Variants in TRMT11 observed in about 807,000 individuals in gnomAD.
TRMT11 encodes the protein tRNA (guanine(10)-N(2))-methyltransferase TRMT11.
In TRMT11, 53 loss-of-function variants were observed where a neutral mutation model predicts 62.8. That is an observed-to-expected ratio of 0.84 (90% CI 0.68 to 1.06). TRMT11 has a LOEUF of 1.06. Ranked by LOEUF, TRMT11 falls within the 50% of genes least tolerant of loss-of-function variation. The pLI is 0.00. For missense variants in TRMT11, 556 were observed against 553.4 expected, an observed-to-expected ratio of 1.00 and a Z score of -0.05; for synonymous variants, 188 against 190.3, an observed-to-expected ratio of 0.99 and a Z score of 0.10.
the TRMT11 span, among the ~76,000 whole-genome samples, chr6:126,228,621 C>T: frequency 6.6e-6 from 1 of 152,248 alleles, no homozygotes; most frequent in East Asian, 1.9e-4. Flanking sequence ...TGTGGAACCC[C>T]CTCCACAGGC....
chr6:126,226,065 A>G, the TRMT11 span, among the ~76,000 whole-genome samples: 5 of 152,176 alleles, frequency 3.3e-5, no homozygotes, highest in African/African-American at 4.8e-5. Flanking sequence ...GAATTTGAGA[A>G]CATAATGAGT....
At position 126,003,738 on chromosome 6, in the gene TRMT11, G is replaced by A. The variant is rs562072096; in HGVS notation, c.679+4125G>A. Among the ~76,000 whole-genome samples the A allele has an allele frequency of 2.9e-3, 442 of 151,958 alleles. 3 individuals are homozygous for A. The highest frequency in any genetic ancestry group is 4.0e-3 in the Non-Finnish European group (270 of 67,908). Reference sequence around the variant, plus strand: ...GATAGCATTTTTGGTCTCTTTCCCTGATTTTTCAAGGTCCTTTGTAAGCTT... The same window carrying A: ...GATAGCATTTTTGGTCTCTTTCCCTAATTTTTCAAGGTCCTTTGTAAGCTT... On this transcript the variant is annotated intron_variant, in intron 7 of 12. Coordinates refer to ENST00000334379, the MANE Select transcript of TRMT11 (RefSeq NM_001031712.3).
At chr6:126,234,737 C>T in the TRMT11 span, among the ~76,000 whole-genome samples, 3 of 152,058 alleles carry the variant, frequency 2.0e-5, no homozygotes, top group East Asian at 1.9e-4. Context: ...GTAGCACTTA[C>T]GGTGGCAAAC....
chr6:126,220,827 A>T, the TRMT11 span, among the ~76,000 whole-genome samples: 1 of 151,616 alleles, frequency 6.6e-6, no homozygotes, highest in South Asian at 2.1e-4. Flanking sequence ...ATTGCATGTC[A>T]TGGGGTTTGG....
At chr6:126,186,479 T>C (rs780002518) in intron 1 of TRMT11, among the ~76,000 whole-genome samples, 5 of 152,180 alleles carry the variant, frequency 3.3e-5, no homozygotes, top group Admixed American at 6.5e-5. Context: ...TACATCAAAT[T>C]CTGATTTTGG....
chr6:126,017,494 T>C (rs1431069622), intron 11 of TRMT11, among the ~76,000 whole-genome samples: 2 of 152,180 alleles, frequency 1.3e-5, no homozygotes, highest in African/African-American at 4.8e-5. Context: ...TAGTCTACAC[T>C]CTCCCCACTC....
Position 126,021,385 on chromosome 6 carries a change from T to G in TRMT11, c.1260+105T>G, listed in dbSNP as rs1440641010. ...GTTTGGAAATGTTATTCCTTGATAT[T>G]TTAAAAATTACAGATCAATTTAGGA... On this transcript the variant is annotated intron_variant, in intron 12 of 12. Coordinates refer to ENST00000334379, the MANE Select transcript of TRMT11 (RefSeq NM_001031712.3). 2.9e-6 allele frequency: 4 copies of G among 1,358,938 alleles called. No individual in the cohort carries two copies. In the African/African-American group the frequency reaches 5.8e-5, roughly 20 times the overall value. 84.2% of individuals were successfully genotyped at this position (1,358,938 alleles called of 1,614,324 possible).
chr6:126,241,336 C>T, the TRMT11 span, among the ~76,000 whole-genome samples: 3 of 152,122 alleles, frequency 2.0e-5, no homozygotes, highest in African/African-American at 7.2e-5. Flanking sequence ...CTTCTTGGAA[C>T]CGCCTCACAG....
At chr6:126,180,839 A>G (rs539438685) in intron 1 of TRMT11, among the ~76,000 whole-genome samples, 2 of 152,340 alleles carry the variant, frequency 1.3e-5, no homozygotes, top group African/African-American at 2.4e-5. Context: ...TGTAATAGCA[A>G]CATGACTCTG....
At chr6:126,246,123 A>C in the TRMT11 span, among the ~76,000 whole-genome samples, 1 of 152,142 alleles carries the variant, frequency 6.6e-6, no homozygotes, top group Admixed American at 6.5e-5. Context: ...TCTTAAAAAA[A>C]AAATTAGCCA....
At chr6:126,241,020 A>G in the TRMT11 span, among the ~76,000 whole-genome samples, 4 of 152,254 alleles carry the variant, frequency 2.6e-5, no homozygotes, top group Admixed American at 1.3e-4. Flanking sequence ...GGCACAGGAT[A>G]TAATCTCCTG....
chr6:126,007,039 T>A (rs1305417850), intron 7 of TRMT11: 1 of 152,028 alleles, frequency 6.6e-6, no homozygotes. Flanking sequence ...AAGTCATCAC[T>A]TATGCTGCTT....
rs896022330 is a variant in TRMT11, at chr6:126,130,783, C to G, written c.*1823+14928C>G. ...CTTCCAGGAGGGTAAAGGGATTTTT[C>G]TCTTCACATGCCATCCAACTCCATG... is the stretch of plus-strand genomic sequence containing the variant. On this transcript the variant is annotated intron_variant and NMD_transcript_variant, in intron 21 of 22. Coordinates refer to the TRMT11 transcript ENST00000648977. 3.9e-5 allele frequency among the ~76,000 whole-genome samples: 6 copies of G among 152,104 alleles called. No homozygotes were observed. The East Asian group carries it at 1.2e-3, about 29-fold the overall frequency.
chr6:126,010,756 T>G (rs939416589), intron 8 of TRMT11, among the ~76,000 whole-genome samples: 1 of 152,120 alleles, frequency 6.6e-6, no homozygotes, highest in African/African-American at 2.4e-5. Context: ...TCATGTCTCC[T>G]AAACAAGGAA....
chr6:126,089,115 CT>C (rs1221476041), intron 17 of TRMT11, among the ~76,000 whole-genome samples: 156 of 144,846 alleles, frequency 1.1e-3, no homozygotes, highest in Admixed American at 1.2e-3. Context: ...TACATGTAAT[CT>C]TTTTTTTTTT....
At chr6:126,251,995 A>T in the TRMT11 span, among the ~76,000 whole-genome samples, 1 of 152,368 alleles carries the variant, frequency 6.6e-6, no homozygotes, top group African/African-American at 2.4e-5. Context: ...CATTGAATGC[A>T]TGCATGAGAT....
chr6:126,158,679 A>G (rs901281937), intron 21 of TRMT11, among the ~76,000 whole-genome samples: 1 of 152,156 alleles, frequency 6.6e-6, no homozygotes, highest in African/African-American at 2.4e-5. Context: ...TACTTATTGC[A>G]TTTGGTATAA....
chr6:126,212,180 A>T, the TRMT11 span, among the ~76,000 whole-genome samples: 2 of 152,174 alleles, frequency 1.3e-5, no homozygotes, highest in Non-Finnish European at 1.5e-5. Flanking sequence ...GCTGATGGAC[A>T]CTTAGCTTGT....
the TRMT11 span, among the ~76,000 whole-genome samples, chr6:126,228,617 AC>A: frequency 6.6e-6 from 1 of 151,966 alleles, no homozygotes; most frequent in African/African-American, 2.4e-5. Flanking sequence ...CTGGTGTGGA[AC>A]CCCCTCCACA....
Sources: gnomAD v4.1 joint callset for allele counts (sites outside exome capture counted in the v4.1 genomes callset) on GRCh38, gnomAD v4.1.1 for gene constraint, MANE v1.5 for transcripts, NCBI Gene and HGNC (gene_info 2026-07-23, HGNC 2026-07-21) for gene names.